TXLNA: variants seen among roughly 807,000 people sequenced by gnomAD.
The protein encoded by TXLNA is alpha-taxilin.
Under a neutral mutation model 61.4 loss-of-function variants are expected in TXLNA, and 9 were observed. The observed-to-expected ratio is 0.15, with a 90% CI of 0.09 to 0.26. The LOEUF (loss-of-function observed/expected upper bound fraction) is 0.26. TXLNA is among the 10% of genes least tolerant of loss of function. TXLNA has a pLI of 1.00. For missense variants in TXLNA, 565 were observed against 688.8 expected (o/e 0.82, Z 2.01); for synonymous variants, 257 against 267.7 (o/e 0.96, Z 0.39).
At chr1:32,190,887 G>A (rs984356949) in intron 6 of TXLNA, among the ~76,000 whole-genome samples, 4 of 152,190 alleles carry the variant, frequency 2.6e-5, no homozygotes, top group African/African-American at 9.7e-5. Context: ...GAGGTCAGGA[G>A]TTCAAGACCA....
In TXLNA at chr1:32,196,568, T is replaced by C. The variant is rs1356970257; in HGVS notation, c.*1373T>C. On this transcript the variant is annotated 3_prime_UTR_variant, in exon 11 of 11. Coordinates refer to ENST00000373610, the MANE Select transcript of TXLNA (RefSeq NM_175852.4). ...CCCACTCCAGTACATAACTACTATG[T>C]ACTGTGTAGAGCCATTCTATATGCT... is the stretch of plus-strand genomic sequence containing the variant. 6.6e-6 allele frequency: 1 copy of C among 152,262 alleles called. No individual in the cohort carries two copies. The highest frequency in any genetic ancestry group is 2.4e-5 in the African/African-American group (1 of 41,456). 9.4% of individuals were successfully genotyped at this position (152,262 alleles called of 1,614,324 possible). A position where few individuals can be genotyped will look rare whatever the true frequency, so the allele number is the denominator to read the frequency against.
At position 32,193,238 on chromosome 1, in the gene TXLNA, T is replaced by A; in HGVS notation, c.1189T>A (p.Phe397Ile). The part of the protein sequence containing the change: ...LALYTEKFEE[F>I]QNTLSKSSEV... ...CCTATACACAGAGAAGTTTGAGGAGTTCCAGAACACACTTTCCAAAAGCAG... is the reference window on the plus strand; with the variant it reads ...CCTATACACAGAGAAGTTTGAGGAGATCCAGAACACACTTTCCAAAAGCAG... The change falls in exon 9 of 11, where the codon TTC becomes ATC. Residue 397 changes from phenylalanine (F) to isoleucine (I), a missense_variant. By Grantham distance (21) the Phe-to-Ile change is conservative. Coordinates refer to ENST00000373610, the MANE Select transcript of TXLNA (RefSeq NM_175852.4). The A allele has an allele frequency of 6.2e-7, 1 of 1,613,600 alleles. No individual in the cohort carries two copies. Among genetic ancestry groups the A allele is most frequent in the Non-Finnish European group, 8.5e-7 (1 of 1,179,892 alleles).
Position 32,194,730 on chromosome 1 carries a change from A to T in TXLNA, c.1348-172A>T, listed in dbSNP as rs116122100. 5.8e-3 allele frequency among the ~76,000 whole-genome samples: 890 copies of T among 152,214 alleles called. 15 individuals are homozygous for T. Among genetic ancestry groups the T allele is most frequent in the African/African-American group, 0.021 (858 of 41,522 alleles). On this transcript the variant is annotated intron_variant, in intron 10 of 10. Transcript: ENST00000373610. ...CCAAGCCGTGCCCCTTTTCTGCACC[A>T]TGCTGCCCCACCTGACAGCCTAGTC...
chr1:32,184,537 C>T lies in TXLNA; in HGVS notation c.518C>T (p.Thr173Met), dbSNP rs764657834. 10 of 1,612,744 alleles carry T rather than the reference C, an allele frequency of 6.2e-6. No homozygotes were observed. Among genetic ancestry groups the T allele is most frequent in the South Asian group, 3.3e-5 (3 of 91,060 alleles). Residue 173 changes from threonine (T) to methionine (M), a missense_variant, in exon 4 of 11, where the codon ACG (threonine) becomes ATG (methionine). Coordinates refer to ENST00000373610, the MANE Select transcript of TXLNA (RefSeq NM_175852.4). Reference protein sequence around the residue: ...KKAKGLGKEITLLMQTLNTLS... With the variant: ...KKAKGLGKEIMLLMQTLNTLS... ...CTGTGCTTTTCAGGGAAGGAGATCA[C>T]GTTGCTGATGCAGACATTGAATACT...
intron 2 of TXLNA, among the ~76,000 whole-genome samples, 173 bp from the exon 3 acceptor site, chr1:32,181,069 G>A (rs188100706): frequency 1.1e-4 from 17 of 152,234 alleles, no homozygotes; most frequent in African/African-American, 3.1e-4. Context: ...TCTAAATTCT[G>A]ACAGGAACTA....
At chr1:32,182,706 T>C (rs1316946925) in intron 3 of TXLNA, among the ~76,000 whole-genome samples, 1 of 151,540 alleles carries the variant, frequency 6.6e-6, no homozygotes, top group Non-Finnish European at 1.5e-5. Context: ...AGTGTCATTA[T>C]ATCCATGTTT....
At chr1:32,182,655 C>CT (rs1642690746) in intron 3 of TXLNA, among the ~76,000 whole-genome samples, 2 of 146,110 alleles carry the variant, frequency 1.4e-5, no homozygotes, top group Admixed American at 1.4e-4. Flanking sequence ...GAGTGAAACT[C>CT]TGTCTCAAAA....
In TXLNA at chr1:32,192,720, C is replaced by T. The variant is rs770755588; in HGVS notation, c.1147C>T (p.Leu383=). ...CELMKQQETH[L]KQQLALYTEK... is the part of the protein sequence containing the mutation. ...GCTGATGAAGCAGCAAGAGACCCACCTGAAGCAACAGGTGAGAGCATATAA... is the reference window on the plus strand; with the variant it reads ...GCTGATGAAGCAGCAAGAGACCCACTTGAAGCAACAGGTGAGAGCATATAA... Residue 383 remains leucine (L), a synonymous_variant, in exon 8 of 11, where the codon CTG becomes TTG. Transcript: ENST00000373610. This position sits in a 1 kb window ranked among gnomAD's most constrained non-coding sequence, Gnocchi z 4.2. 1.1e-5 allele frequency: 17 copies of T among 1,614,068 alleles called. No homozygotes were observed. Among genetic ancestry groups the T allele is most frequent in the Non-Finnish European group, 1.4e-5 (16 of 1,180,042 alleles).
chr1:32,195,720 G>T lies in TXLNA; in HGVS notation c.*525G>T, dbSNP rs1284989294. On this transcript the variant is annotated 3_prime_UTR_variant, in exon 11 of 11. Coordinates refer to ENST00000373610, the MANE Select transcript of TXLNA (RefSeq NM_175852.4). ...CCTGGAAAAGGTGTCCCTAGGCAGAGCCCTGGCAGGGCGCTCAGAGCTGGG... is the reference window on the plus strand; with the variant it reads ...CCTGGAAAAGGTGTCCCTAGGCAGATCCCTGGCAGGGCGCTCAGAGCTGGG... 2.2e-6 allele frequency: 1 copy of T among 456,440 alleles called. No homozygotes were observed. The highest frequency in any genetic ancestry group is 4.4e-6 in the Non-Finnish European group (1 of 227,090). The allele number at this position is 456,440 out of a possible 1,614,324, so 28.3% of individuals were successfully genotyped here. A position where few individuals can be genotyped will look rare whatever the true frequency, so the allele number is the denominator to read the frequency against.
chr1:32,191,602 G>T (rs774896536), intron 6 of TXLNA, among the ~76,000 whole-genome samples: 1 of 152,108 alleles, frequency 6.6e-6, no homozygotes, highest in Non-Finnish European at 1.5e-5. Context: ...GGAGAAGGAG[G>T]TGCAGGACTA....
At chr1:32,184,300 A>G (rs780670062) in intron 3 of TXLNA, among the ~76,000 whole-genome samples, 6 of 152,166 alleles carry the variant, frequency 3.9e-5, no homozygotes, top group Non-Finnish European at 7.3e-5. Context: ...CGTTCATTTG[A>G]TAAGCATTTG....
rs371111351 is a variant in TXLNA at position 32,190,108 on chromosome 1, C to T, written c.822C>T (p.Thr274=). Residue 274 remains threonine, a synonymous_variant, in exon 6 of 11, where the codon ACC becomes ACT. Coordinates refer to ENST00000373610, the MANE Select transcript of TXLNA (RefSeq NM_175852.4). ...REEEEKRKEV[T]SHFQVTLNDI... ...AGGAGGAGAAGCGCAAGGAGGTGAC[C>T]TCGCACTTCCAGGTGACACTGAATG... 9 of 1,592,602 alleles carry T rather than the reference C, an allele frequency of 5.7e-6. No individual in the cohort carries two copies. Among genetic ancestry groups the T allele is most frequent in the African/African-American group, 4.0e-5 (3 of 74,720 alleles).
intron 4 of TXLNA, among the ~76,000 whole-genome samples, chr1:32,187,004 C>A (rs1401099304): frequency 6.6e-6 from 1 of 152,218 alleles, no homozygotes; most frequent in African/African-American, 2.4e-5. Flanking sequence ...TCAAACGATT[C>A]TCCTGCCTCA....
At chr1:32,180,241 CTG>C in intron 1 of TXLNA, 71 bp from the exon 2 acceptor site, 1 of 1,403,194 alleles carries the variant, frequency 7.1e-7, no homozygotes, top group Non-Finnish European at 9.5e-7. Flanking sequence ...TGTGCGCCTG[CTG>C]TGGGGATTTC....
rs1029217505 is a variant in TXLNA at position 32,192,811 on chromosome 1, C to G, written c.1158+80C>G. On this transcript the variant is annotated intron_variant, in intron 8 of 10. Coordinates refer to ENST00000373610, the MANE Select transcript of TXLNA (RefSeq NM_175852.4). The surrounding 1 kb of genome is among the most constrained non-coding windows in gnomAD (Gnocchi z 4.2). ...CCTGGGGGTAGTGAAATGGGACCCTCATTCTAGGACTGGCTGTGTCCTGGC... is the reference window on the plus strand; with the variant it reads ...CCTGGGGGTAGTGAAATGGGACCCTGATTCTAGGACTGGCTGTGTCCTGGC... 1 of 1,423,764 alleles carries G rather than the reference C, an allele frequency of 7.0e-7. No homozygotes were observed. The highest frequency in any genetic ancestry group is 2.3e-5 in the East Asian group (1 of 43,912). 88.2% of individuals were successfully genotyped at this position (1,423,764 alleles called of 1,614,324 possible).
rs915350229 is a variant in TXLNA, at chr1:32,187,943, C to T, written c.598-11C>T. On this transcript the variant is annotated splice_polypyrimidine_tract_variant and intron_variant, in intron 4 of 10. Transcript: ENST00000373610. Reference sequence around the variant, plus strand: ...AAGATGCTCACCTGCCCTCCCTATCCCTGTCCCCAGCTGGAGGAGCACCGG... The same window carrying T: ...AAGATGCTCACCTGCCCTCCCTATCTCTGTCCCCAGCTGGAGGAGCACCGG... The T allele has an allele frequency of 1.9e-6, 3 of 1,612,590 alleles. No homozygotes were observed. Among genetic ancestry groups the T allele is most frequent in the Admixed American group, 3.3e-5 (2 of 59,892 alleles).
At position 32,188,574 on chromosome 1, in the gene TXLNA, G is replaced by T. The variant is rs1035676383; in HGVS notation, c.768+450G>T. On this transcript the variant is annotated intron_variant, in intron 5 of 10. Coordinates refer to ENST00000373610, the MANE Select transcript of TXLNA (RefSeq NM_175852.4). ...AATTGCTTGCACCTGGGAGGCTGAG[G>T]TTGCAGTGAGCCGAGATTGCATCAC... Among the ~76,000 whole-genome samples the T allele has an allele frequency of 2.0e-5, 3 of 151,784 alleles. No homozygotes were observed. In the East Asian group the frequency reaches 5.9e-4, roughly 30 times the overall value.
At position 32,184,630 on chromosome 1, in the gene TXLNA, T is replaced by C. The variant is rs1312678806; in HGVS notation, c.597+14T>C. The C allele has an allele frequency of 1.9e-6, 3 of 1,578,688 alleles. No homozygotes were observed. The Admixed American group carries it at 5.1e-5, about 27-fold the overall frequency. On this transcript the variant is annotated intron_variant, in intron 4 of 10. Transcript: ENST00000373610. ...TATGCTGAACTGGTCAGTTCCCCCC[T>C]CCGCGGGCACCTTCCCTGCGTTGGG...
Position 32,195,108 on chromosome 1 carries a change from C to T in TXLNA, c.1554C>T (p.Val518=), listed in dbSNP as rs755259840. 9 of 1,613,962 alleles carry T rather than the reference C, an allele frequency of 5.6e-6. No homozygotes were observed. In the Admixed American group the frequency reaches 8.3e-5, roughly 15 times the overall value. ...PGAQAPSSPR[V]TEAPCYPGAP... is the part of the protein sequence containing the mutation. Reference sequence around the variant, plus strand: ...CTCAAGCACCCAGCTCCCCCAGGGTCACAGAAGCGCCTTGCTACCCAGGAG... The same window carrying T: ...CTCAAGCACCCAGCTCCCCCAGGGTTACAGAAGCGCCTTGCTACCCAGGAG... Residue 518 remains valine, a synonymous_variant, in exon 11 of 11, where the codon GTC becomes GTT. Coordinates refer to ENST00000373610, the MANE Select transcript of TXLNA (RefSeq NM_175852.4).
Sources: allele counts gnomAD v4.1 joint callset (sites outside exome capture counted in the v4.1 genomes callset), GRCh38; gene constraint gnomAD v4.1.1; non-coding constraint Gnocchi (gnomAD v3.1); transcripts MANE v1.5; gene names NCBI Gene and HGNC (gene_info 2026-07-23, HGNC 2026-07-21).